The following ADGRD1 variants were observed in gnomAD, a reference collection of about 807,000 sequenced individuals.
ADGRD1 encodes G-protein coupled receptor 133.
A neutral mutation model predicts 113.4 loss-of-function variants in ADGRD1; 77 were observed. The observed-to-expected ratio is 0.68, with a 90% CI of 0.57 to 0.82. ADGRD1 has a LOEUF of 0.82. Ranked by LOEUF, ADGRD1 falls within the 40% of genes least tolerant of loss-of-function variation. The pLI is 0.00. For synonymous variants in ADGRD1, 474 were observed against 475.0 expected (o/e 1.00, Z 0.03); for missense variants, 1,036 against 1,139.1 (o/e 0.91, Z 1.30).
intron 19 of ADGRD1, 34 bp downstream of exon 19, chr12:131,118,485 C>A (rs370456748): frequency 2.6e-6 from 4 of 1,531,652 alleles, no homozygotes; most frequent in South Asian, 2.4e-5. Context: ...TTTTGGCAGG[C>A]GTTCCATGGA....
At chr12:131,104,182 C>T (rs1227407880) in intron 15 of ADGRD1, among the ~76,000 whole-genome samples, 1 of 152,198 alleles carries the variant, frequency 6.6e-6, no homozygotes, top group Non-Finnish European at 1.5e-5. Context: ...CTGAGGCCCA[C>T]AGTGTGCAGG....
At chr12:131,049,608 C>T (rs143667141) in intron 13 of ADGRD1, among the ~76,000 whole-genome samples, 8 of 152,300 alleles carry the variant, frequency 5.3e-5, no homozygotes, top group East Asian at 1.9e-4. Flanking sequence ...TGTCTCCTGG[C>T]GAGCACTGGT....
At chr12:131,134,589 G>A (rs569500685) in intron 21 of ADGRD1, among the ~76,000 whole-genome samples, 2 of 152,326 alleles carry the variant, frequency 1.3e-5, no homozygotes, top group South Asian at 4.1e-4. Flanking sequence ...TATTGCATTA[G>A]CATTATGAGA....
chr12:131,079,660 A>C (rs769506761), intron 14 of ADGRD1, among the ~76,000 whole-genome samples: 2 of 152,186 alleles, frequency 1.3e-5, no homozygotes, highest in African/African-American at 2.4e-5. Context: ...TTATGGATGC[A>C]GGACTATGTA....
At chr12:131,083,994 C>T (rs1039183787) in intron 14 of ADGRD1, among the ~76,000 whole-genome samples, 6 of 152,120 alleles carry the variant, frequency 3.9e-5, no homozygotes, top group Non-Finnish European at 7.3e-5. Context: ...AGTCACTGTA[C>T]GTTGTGTTTT....
At chr12:130,996,396 G>A (rs1394436260) in intron 8 of ADGRD1, among the ~76,000 whole-genome samples, 3 of 113,320 alleles carry the variant, frequency 2.6e-5, no homozygotes, top group South Asian at 2.7e-4. Flanking sequence ...GCGGCTGGCC[G>A]GGCGGGGGGC....
intron 15 of ADGRD1, among the ~76,000 whole-genome samples, chr12:131,098,805 G>A (rs535785683): frequency 2.0e-5 from 3 of 152,188 alleles, no homozygotes; most frequent in Non-Finnish European, 4.4e-5. Context: ...TTCATCACCC[G>A]CTTCCCCACT....
intron 20 of ADGRD1, 29 bp from the exon 21 acceptor site, chr12:131,131,696 C>G (rs1950933044): frequency 1.3e-6 from 2 of 1,517,194 alleles, no homozygotes; most frequent in Non-Finnish European, 1.8e-6. Context: ...CCAGGCCCCC[C>G]TCACCTTCCT....
At chr12:131,040,890 TACATCAG>T (rs1882064420) in intron 13 of ADGRD1, among the ~76,000 whole-genome samples, 1 of 152,250 alleles carries the variant, frequency 6.6e-6, no homozygotes. Context: ...GGCCAATATT[TACATCAG>T]ACGATTCTTA....
intron 18 of ADGRD1, among the ~76,000 whole-genome samples, chr12:131,115,509 C>T (rs10848288): frequency 0.22 from 33,749 of 152,070 alleles, 4,515 homozygotes; most frequent in South Asian, 0.39. Flanking sequence ...CTTGCCCATG[C>T]GCCCATCCTC....
intron 13 of ADGRD1, among the ~76,000 whole-genome samples, chr12:131,031,604 G>A (rs1880751809): frequency 6.6e-6 from 1 of 152,040 alleles, no homozygotes; most frequent in African/African-American, 2.4e-5. Context: ...TCTTAAACCA[G>A]GTCACCCACC....
intron 13 of ADGRD1, among the ~76,000 whole-genome samples, chr12:131,061,142 C>T (rs995016487): frequency 3.3e-5 from 5 of 152,206 alleles, no homozygotes; most frequent in African/African-American, 1.2e-4. Flanking sequence ...TCAGGACCTG[C>T]AGTCAGGAGC....
chr12:131,090,621 C>A (rs1222562903), intron 15 of ADGRD1, among the ~76,000 whole-genome samples: 1 of 152,180 alleles, frequency 6.6e-6, no homozygotes, highest in Non-Finnish European at 1.5e-5. Context: ...GGCTGCTGTC[C>A]AGGGGAGGGA....
intron 12 of ADGRD1, 63 bp from the exon 13 acceptor site, chr12:131,014,136 G>T: frequency 3.2e-6 from 5 of 1,545,712 alleles, no homozygotes; most frequent in Non-Finnish European, 4.4e-6. Context: ...CCCAGCCTAG[G>T]TTCTAGCTGT....
chr12:130,999,461 G>A (rs537705298), intron 8 of ADGRD1, among the ~76,000 whole-genome samples: 1 of 152,228 alleles, frequency 6.6e-6, no homozygotes, highest in Non-Finnish European at 1.5e-5. Context: ...ATCTCATAAA[G>A]ATAAACAAAT....
At chr12:131,127,988 G>A (rs1289973680) in intron 20 of ADGRD1, among the ~76,000 whole-genome samples, 4 of 77,264 alleles carry the variant, frequency 5.2e-5, no homozygotes, top group African/African-American at 1.4e-4. Flanking sequence ...AGCTCAGGTG[G>A]GGTGTTGGTT....
intron 2 of ADGRD1, among the ~76,000 whole-genome samples, chr12:130,958,459 CA>C (rs1477132570): frequency 6.6e-6 from 1 of 152,190 alleles, no homozygotes; most frequent in Non-Finnish European, 1.5e-5. Context: ...CTCGGCCTCC[CA>C]AAGTGCTGGG....
Position 131,096,723 on chromosome 12 carries a change from G to A in ADGRD1, c.1672-8108G>A, listed in dbSNP as rs780716730. 6.6e-6 allele frequency among the ~76,000 whole-genome samples: 1 copy of A among 152,090 alleles called. No homozygotes were observed. Among genetic ancestry groups the A allele is most frequent in the South Asian group, 2.1e-4 (1 of 4,824 alleles). On this transcript the variant is annotated intron_variant, in intron 15 of 24. Coordinates refer to ENST00000261654, the MANE Select transcript of ADGRD1 (RefSeq NM_198827.5). This position sits in a 1 kb window ranked among gnomAD's most constrained non-coding sequence, Gnocchi z 5.2. ...CCTCCATCTGTGAGGATGGGTTCCC[G>A]TGGGGCACTGCCAGTCCAGGTTTAC...
chr12:131,115,111 C>T (rs532902778), intron 18 of ADGRD1, among the ~76,000 whole-genome samples: 18 of 152,238 alleles, frequency 1.2e-4, no homozygotes, highest in Admixed American at 6.5e-5. Context: ...TCAGGGTAGG[C>T]GGGCAAGGCT....
Sources: gnomAD v4.1 joint callset for allele counts (sites outside exome capture counted in the v4.1 genomes callset) on GRCh38, gnomAD v4.1.1 for gene constraint, Gnocchi (gnomAD v3.1) non-coding constraint, MANE v1.5 for transcripts, NCBI Gene and HGNC (gene_info 2026-07-23, HGNC 2026-07-21) for gene names.